The following PDE4B variants were observed in gnomAD, a reference collection of about 807,000 sequenced individuals.
PDE4B encodes the protein 3',5'-cyclic-AMP phosphodiesterase 4B.
In PDE4B, 20 loss-of-function variants were observed where a neutral mutation model predicts 82.2. That is an observed-to-expected ratio of 0.24 (90% CI 0.17 to 0.35). The LOEUF (loss-of-function observed/expected upper bound fraction) is 0.35. Among genes scored for constraint, PDE4B ranks in the 10% least tolerant of loss-of-function variants. The pLI is 1.00. For missense variants in PDE4B, 655 were observed against 907.2 expected, an observed-to-expected ratio of 0.72 and a Z score of 3.57; for synonymous variants, 320 against 318.9, an observed-to-expected ratio of 1.00 and a Z score of -0.04.
At chr1:65,938,876 T>C (rs577390537) in intron 3 of PDE4B, among the ~76,000 whole-genome samples, 72 of 152,258 alleles carry the variant, frequency 4.7e-4, no homozygotes, top group African/African-American at 1.7e-3. Flanking sequence ...TTGGTGAGTT[T>C]TGAAGGGCTT....
chr1:66,278,439 A>G (rs1656049438), intron 7 of PDE4B, among the ~76,000 whole-genome samples: 1 of 152,198 alleles, frequency 6.6e-6, no homozygotes, highest in Non-Finnish European at 1.5e-5. Flanking sequence ...CTCATGAAAG[A>G]GCTTTTTCAT....
At position 66,084,319 on chromosome 1, in the gene PDE4B, C is replaced by T. The variant is rs189682063; in HGVS notation, c.282-163141C>T. ...AAAATGTATTGTTCAGAAGATAAAACGCAAATCAATCGCTCATAAGCAGTA... is the reference window on the plus strand; with the variant it reads ...AAAATGTATTGTTCAGAAGATAAAATGCAAATCAATCGCTCATAAGCAGTA... On this transcript the variant is annotated intron_variant, in intron 3 of 16. Transcript: ENST00000341517. 3.0e-3 allele frequency among the ~76,000 whole-genome samples: 457 copies of T among 152,146 alleles called. 2 individuals carry two copies. The highest frequency in any genetic ancestry group is 0.027 in the Middle Eastern group (8 of 294).
At chr1:65,973,871 G>C (rs975335735) in intron 3 of PDE4B, among the ~76,000 whole-genome samples, 1 of 151,950 alleles carries the variant, frequency 6.6e-6, no homozygotes, top group Non-Finnish European at 1.5e-5. Flanking sequence ...GGAAAGCAAT[G>C]GCACGATGCC....
chr1:66,086,593 T>G (rs1657019548), intron 3 of PDE4B, among the ~76,000 whole-genome samples: 1 of 152,208 alleles, frequency 6.6e-6, no homozygotes, highest in Non-Finnish European at 1.5e-5. Flanking sequence ...AATAACCACA[T>G]TTTACTTTGT....
chr1:65,977,951 A>T (rs1650494270), intron 3 of PDE4B, among the ~76,000 whole-genome samples: 1 of 152,148 alleles, frequency 6.6e-6, no homozygotes, highest in Non-Finnish European at 1.5e-5. Context: ...GCAAAGGAGT[A>T]TACTATTCAA....
At chr1:65,902,736 CATGA>C (rs1646985369) in intron 1 of PDE4B, among the ~76,000 whole-genome samples, 2 of 152,102 alleles carry the variant, frequency 1.3e-5, no homozygotes. Flanking sequence ...TTGTTGGATA[CATGA>C]ATGAATAAAT....
intron 3 of PDE4B, among the ~76,000 whole-genome samples, chr1:65,948,845 G>C (rs1029371783): frequency 2.0e-5 from 3 of 152,062 alleles, no homozygotes; most frequent in African/African-American, 7.2e-5. Context: ...TTGGGTCACA[G>C]AACTGGCTCA....
chr1:66,130,954 AC>A (rs1294774405), intron 3 of PDE4B, among the ~76,000 whole-genome samples: 1 of 152,200 alleles, frequency 6.6e-6, no homozygotes, highest in Non-Finnish European at 1.5e-5. Context: ...TTATTATTTC[AC>A]CCAAGCCCAT....
At chr1:65,897,855 T>G (rs1167907152) in intron 1 of PDE4B, among the ~76,000 whole-genome samples, 1 of 152,180 alleles carries the variant, frequency 6.6e-6, no homozygotes, top group Non-Finnish European at 1.5e-5. Flanking sequence ...TGCCCAGTGA[T>G]GGAATTGCTG....
At chr1:66,191,841 A>G (rs1647834104) in intron 3 of PDE4B, among the ~76,000 whole-genome samples, 2 of 152,166 alleles carry the variant, frequency 1.3e-5, no homozygotes, top group Non-Finnish European at 2.9e-5. Flanking sequence ...ACCAGGGGGA[A>G]TGAGAACCAA....
intron 1 of PDE4B, among the ~76,000 whole-genome samples, chr1:65,819,728 T>C (rs1370991805): frequency 6.6e-6 from 1 of 152,154 alleles, no homozygotes; most frequent in Non-Finnish European, 1.5e-5. Flanking sequence ...CTCGATCTCC[T>C]GACCTCATGA....
At chr1:65,930,814 T>A (rs1435070704) in intron 3 of PDE4B, among the ~76,000 whole-genome samples, 6 of 152,190 alleles carry the variant, frequency 3.9e-5, no homozygotes, top group Admixed American at 3.9e-4. Flanking sequence ...CTGTGGAGTT[T>A]TGAGTTAATG....
At chr1:66,302,841 G>A (rs570974401) in intron 7 of PDE4B, among the ~76,000 whole-genome samples, 1 of 152,106 alleles carries the variant, frequency 6.6e-6, no homozygotes, top group Admixed American at 6.6e-5. Flanking sequence ...ATAGACACTG[G>A]TGCTCTTCTC....
At chr1:66,126,072 T>C (rs550615865) in intron 3 of PDE4B, among the ~76,000 whole-genome samples, 63 of 152,012 alleles carry the variant, frequency 4.1e-4, no homozygotes, top group Non-Finnish European at 7.5e-4. Context: ...TCCCAAAGTG[T>C]TGGGATTACA....
chr1:66,350,802 C>T (rs149750448), intron 8 of PDE4B, among the ~76,000 whole-genome samples: 3 of 152,248 alleles, frequency 2.0e-5, no homozygotes, highest in East Asian at 3.9e-4. Flanking sequence ...GAAGAAGTGT[C>T]CTATCACTTC....
chr1:66,008,881 C>T (rs1652306802), intron 3 of PDE4B, among the ~76,000 whole-genome samples: 1 of 152,102 alleles, frequency 6.6e-6, no homozygotes, highest in South Asian at 2.1e-4. Context: ...TATTGGAATG[C>T]TCCAGAGGGT....
At chr1:66,285,826 A>G (rs1656638912) in intron 7 of PDE4B, among the ~76,000 whole-genome samples, 2 of 152,150 alleles carry the variant, frequency 1.3e-5, no homozygotes, top group Admixed American at 1.3e-4. Context: ...AGAGCTTACC[A>G]AAGGCACTGT....
intron 4 of PDE4B, among the ~76,000 whole-genome samples, chr1:66,251,085 C>T (rs1653736564): frequency 6.6e-6 from 1 of 152,250 alleles, no homozygotes; most frequent in Non-Finnish European, 1.5e-5. Flanking sequence ...GTTAGACTTA[C>T]ACCATCACAC....
chr1:66,359,869 C>A (rs2102022201), intron 9 of PDE4B, among the ~76,000 whole-genome samples: 1 of 152,276 alleles, frequency 6.6e-6, no homozygotes, highest in Middle Eastern at 3.4e-3. Flanking sequence ...AGATTTTTGA[C>A]AGGAACCTCA....
Sources: gnomAD v4.1 joint callset for allele counts (sites outside exome capture counted in the v4.1 genomes callset) on GRCh38, gnomAD v4.1.1 for gene constraint, MANE v1.5 for transcripts, NCBI Gene and HGNC (gene_info 2026-07-23, HGNC 2026-07-21) for gene names.